Variants in SLC13A4 observed in about 807,000 individuals in gnomAD.
SLC13A4 encodes Na(+)/sulfate cotransporter SUT-1.
In SLC13A4, 28 loss-of-function variants were observed where a neutral mutation model predicts 72.7. That is an observed-to-expected ratio of 0.39 (90% CI 0.29 to 0.53). The LOEUF (loss-of-function observed/expected upper bound fraction) is 0.53, where lower values mean the gene tolerates loss of function less well. Ranked by LOEUF, SLC13A4 falls within the 20% of genes least tolerant of loss-of-function variation. SLC13A4 has a pLI of 0.78. For synonymous variants in SLC13A4, 312 were observed against 325.5 expected, an observed-to-expected ratio of 0.96 and a Z score of 0.45; for missense variants, 653 against 788.0, an observed-to-expected ratio of 0.83 and a Z score of 2.05.
At chr7:135,695,514 A>G in intron 8 of SLC13A4, 27 bp from the exon 9 acceptor site, 1 of 1,609,060 alleles carries the variant, frequency 6.2e-7, no homozygotes, top group Non-Finnish European at 8.5e-7. Context: ...CAGGTCAGCA[A>G]TTAGAAAGGG....
In SLC13A4 at chr7:135,691,314, C is replaced by T. The variant is rs1433629011; in HGVS notation, c.1333G>A (p.Glu445Lys). The T allele has an allele frequency of 6.2e-7, 1 of 1,613,450 alleles. No individual in the cohort carries two copies. The highest frequency in any genetic ancestry group is 8.5e-7 in the Non-Finnish European group (1 of 1,179,784). The change falls in exon 13 of 16, where the codon GAG becomes AAG. Residue 445 changes from glutamate (E) to lysine (K), a missense_variant. Transcript: ENST00000682651. ...ATGGGCTCGGTCCCCAGTGAGTGCTCCTGGTTCTCTCCTGGATTAGAGAGA... is the reference window on the plus strand; with the variant it reads ...ATGGGCTCGGTCCCCAGTGAGTGCTTCTGGTTCTCTCCTGGATTAGAGAGA... The part of the protein sequence containing the change: ...FGKKNDGENQ[E>K]HSLGTEPIIT...
intron 1 of SLC13A4, among the ~76,000 whole-genome samples, chr7:135,724,255 G>A (rs1397193924): frequency 2.0e-5 from 3 of 152,210 alleles, no homozygotes; most frequent in Non-Finnish European, 4.4e-5. Flanking sequence ...AGCACTATGG[G>A]AGGCCGAGGT....
At chr7:135,690,789 A>C (rs913576652) in intron 13 of SLC13A4, among the ~76,000 whole-genome samples, 3 of 152,194 alleles carry the variant, frequency 2.0e-5, no homozygotes, top group East Asian at 1.9e-4. Flanking sequence ...CTCTGTGAAC[A>C]TTCTCAGCTG....
chr7:135,712,408 A>G (rs1004850891), intron 2 of SLC13A4, among the ~76,000 whole-genome samples: 11 of 147,746 alleles, frequency 7.4e-5, no homozygotes, highest in African/African-American at 2.5e-4. Flanking sequence ...CCGGGACTCC[A>G]CTGTGTGACC....
chr7:135,716,772 T>G (rs1311671924), intron 2 of SLC13A4, among the ~76,000 whole-genome samples: 1 of 152,168 alleles, frequency 6.6e-6, no homozygotes, highest in African/African-American at 2.4e-5. Flanking sequence ...TGAACTTCAG[T>G]TTCCTTCTCT....
intron 1 of SLC13A4, among the ~76,000 whole-genome samples, chr7:135,724,963 C>G (rs1796624678): frequency 6.6e-6 from 1 of 152,218 alleles, no homozygotes; most frequent in African/African-American, 2.4e-5. Flanking sequence ...TGGTTCAATT[C>G]ACGTGGGCTG....
At position 135,708,159 on chromosome 7, in the gene SLC13A4, C is replaced by T. The variant is rs200809859; in HGVS notation, c.320G>A (p.Arg107His). ...AAVEKWNLHK[R>H]IALRMVLMAG... The stretch of plus-strand genomic sequence containing the variant: ...CATCAAGACCATGCGCAGAGCAATG[C>T]GCTTATGCAGGTTCCACTTCTCCAC... The change falls in exon 3 of 16, where the codon CGC (arginine) becomes CAC (histidine). Residue 107 changes from arginine to histidine, a missense_variant. Coordinates refer to ENST00000682651, the MANE Select transcript of SLC13A4 (RefSeq NM_001318192.2). The T allele has an allele frequency of 9.9e-6, 16 of 1,614,082 alleles. No homozygotes were observed. The highest frequency in any genetic ancestry group is 6.7e-5 in the African/African-American group (5 of 74,926).
intron 7 of SLC13A4, among the ~76,000 whole-genome samples, chr7:135,700,935 G>C (rs1054421071): frequency 6.6e-6 from 1 of 152,184 alleles, no homozygotes; most frequent in African/African-American, 2.4e-5. Context: ...GCACCTGGCT[G>C]GCATGCATCC....
chr7:135,711,750 G>GT (rs1796307477), intron 2 of SLC13A4, among the ~76,000 whole-genome samples: 1 of 151,740 alleles, frequency 6.6e-6, no homozygotes. Context: ...TTCTTGTCGT[G>GT]TTTTTGTTTT....
intron 10 of SLC13A4, 43 bp downstream of exon 10, chr7:135,694,094 G>T: frequency 8.3e-7 from 1 of 1,208,520 alleles, no homozygotes. Flanking sequence ...TACCTGCTGT[G>T]TTTCTGCTGG....
Position 135,706,247 on chromosome 7 carries a change from T to C in SLC13A4, c.419A>G (p.Asn140Ser). ...CATCACCATGGCGGTGGTGGAGGTG[T>C]TGGACAGCCACATGGACAGCAACGT... ...CTTLLSMWLS[N>S]TSTTAMVMPI... Residue 140 changes from asparagine to serine, a missense_variant, in exon 4 of 16, where the codon AAC becomes AGC. Physicochemically the swap from Asn to Ser is conservative, Grantham distance 46. Coordinates refer to ENST00000682651, the MANE Select transcript of SLC13A4 (RefSeq NM_001318192.2). The C allele has an allele frequency of 6.2e-7, 1 of 1,613,806 alleles. No individual in the cohort carries two copies. The highest frequency in any genetic ancestry group is 8.5e-7 in the Non-Finnish European group (1 of 1,179,746).
rs775794120 is a variant in SLC13A4 at position 135,691,175 on chromosome 7, CCA to C, written c.1446+24_1446+25del. The C allele has an allele frequency of 2.8e-4, 441 of 1,571,778 alleles. 4 individuals are homozygous for C. In the East Asian group the frequency reaches 4.4e-3, roughly 16 times the overall value. ...CAAGACTGTCTCAAAAAAAAAAACC[CCA>C]AAAAAACAGAATTCAAGAATTACCT... is the stretch of plus-strand genomic sequence containing the variant. On this transcript the variant is annotated intron_variant, in intron 13 of 15. Transcript: ENST00000682651.
chr7:135,707,990 G>C (rs917006138), intron 3 of SLC13A4, 124 bp downstream of exon 3: 16 of 1,265,714 alleles, frequency 1.3e-5, no homozygotes, highest in Non-Finnish European at 1.8e-5. Context: ...TCTGGTGTCA[G>C]CCCGACCCTT....
chr7:135,710,255 T>C (rs1045001193), intron 2 of SLC13A4, among the ~76,000 whole-genome samples: 2 of 152,098 alleles, frequency 1.3e-5, no homozygotes, highest in African/African-American at 4.8e-5. Context: ...TAACAAAAAT[T>C]GTGATTGAGC....
chr7:135,682,723 A>G (rs61020571), intron 15 of SLC13A4, among the ~76,000 whole-genome samples: 2,116 of 152,310 alleles, frequency 0.014, 50 homozygotes, highest in African/African-American at 0.048. Flanking sequence ...ATTGAAGTCA[A>G]GGTAGTGCCC....
rs1563164517 is a variant in SLC13A4 at position 135,706,163 on chromosome 7, GCCACGAGCTGCTCGT to G, written c.488_502del (p.Asp163_Val167del). The G allele has an allele frequency of 1.2e-6, 2 of 1,607,180 alleles. No individual in the cohort carries two copies. The highest frequency in any genetic ancestry group is 2.2e-5 in the South Asian group (2 of 90,750). On this transcript the variant is annotated inframe_deletion, in exon 4 of 16. Transcript: ENST00000682651. ...GGCCTCTTCGGTGTTGGAGTTGCCC[GCCACGAGCTGCTCGT>G]CCTCAGCACTGACCAGCTCCTGCAG...
intron 4 of SLC13A4, 32 bp downstream of exon 4, chr7:135,706,096 G>C (rs1240933389): frequency 6.5e-7 from 1 of 1,545,918 alleles, no homozygotes; most frequent in Non-Finnish European, 8.8e-7. Flanking sequence ...GGTTGGAGGA[G>C]CAAAGGAGAG....
chr7:135,702,866 G>A lies in SLC13A4; in HGVS notation c.612C>T (p.Leu204=). 1 of 1,613,950 alleles carries A rather than the reference G, an allele frequency of 6.2e-7. No homozygotes were observed. Among genetic ancestry groups the A allele is most frequent in the Non-Finnish European group, 8.5e-7 (1 of 1,179,806 alleles). The part of the protein sequence containing the change: ...FVNEDRSNAD[L]TTLMHNENLN... Reference sequence around the variant, plus strand: ...ATACCTCGTTGTGCATCAGAGTGGTGAGGTCTGCGTTGGACCTGCTGGAAC... The same window carrying A: ...ATACCTCGTTGTGCATCAGAGTGGTAAGGTCTGCGTTGGACCTGCTGGAAC... Residue 204 remains leucine (L), a synonymous_variant, in exon 6 of 16, where the codon CTC becomes CTT. Coordinates refer to ENST00000682651, the MANE Select transcript of SLC13A4 (RefSeq NM_001318192.2).
intron 8 of SLC13A4, among the ~76,000 whole-genome samples, chr7:135,696,623 G>C (rs1332530328): frequency 2.6e-5 from 4 of 152,126 alleles, no homozygotes; most frequent in Admixed American, 6.5e-5. Flanking sequence ...AAAATGCTGG[G>C]ATTACGGGCA....
Sources: allele counts gnomAD v4.1 joint callset (sites outside exome capture counted in the v4.1 genomes callset), GRCh38; gene constraint gnomAD v4.1.1; transcripts MANE v1.5; gene names NCBI Gene and HGNC (gene_info 2026-07-23, HGNC 2026-07-21).